Variants in TNFAIP3 observed in about 807,000 individuals in gnomAD.
TNFAIP3 encodes the protein tumor necrosis factor alpha-induced protein 3.
In TNFAIP3, 9 loss-of-function variants were observed where a neutral mutation model predicts 72.4. The ratio of observed to expected loss-of-function variants is 0.12; its 90% CI spans 0.07 to 0.22. The LOEUF (loss-of-function observed/expected upper bound fraction) is 0.22. Among genes scored for constraint, TNFAIP3 ranks in the 10% least tolerant of loss-of-function variants. The pLI, the probability that TNFAIP3 is intolerant of heterozygous loss-of-function variation, is 1.00. For missense variants in TNFAIP3, 833 were observed against 1,018.7 expected, an observed-to-expected ratio of 0.82 and a Z score of 2.48; for synonymous variants, 339 against 372.6, an observed-to-expected ratio of 0.91 and a Z score of 1.04.
chr6:137,870,120 T>C (rs1222505092), intron 1 of TNFAIP3, among the ~76,000 whole-genome samples: 1 of 152,176 alleles, frequency 6.6e-6, no homozygotes, highest in Non-Finnish European at 1.5e-5. Context: ...TTCTACTAGT[T>C]GATTATGCTT....
intron 1 of TNFAIP3, among the ~76,000 whole-genome samples, chr6:137,869,380 C>CGGAT (rs1196819357): frequency 5.2e-4 from 56 of 108,066 alleles, no homozygotes; most frequent in Admixed American, 4.4e-3. Context: ...GATGGATGGA[C>CGGAT]GGACGGACGG....
chr6:137,878,236 G>A (rs1195292644), intron 6 of TNFAIP3, among the ~76,000 whole-genome samples, 196 bp from the exon 7 acceptor site: 2 of 152,168 alleles, frequency 1.3e-5, no homozygotes, highest in Non-Finnish European at 2.9e-5. Context: ...TTCTTGACTC[G>A]AACATGTTGG....
Position 137,881,629 on chromosome 6 carries a change from T to G in TNFAIP3, c.*310T>G, listed in dbSNP as rs1418864140. 6.0e-6 allele frequency: 2 copies of G among 336,102 alleles called. No individual in the cohort carries two copies. The highest frequency in any genetic ancestry group is 4.6e-5 in the Admixed American group (1 of 21,530). The allele number at this position is 336,102 out of a possible 1,614,324, so 20.8% of individuals were successfully genotyped here. ...TTGGACTTGGAAGGTGTGCGGGGAC[T>G]GGCCGAGGCCCCTGCACCCTGCGCA... On this transcript the variant is annotated 3_prime_UTR_variant, in exon 9 of 9. Transcript: ENST00000612899. The surrounding 1 kb of genome is among the most constrained non-coding windows in gnomAD (Gnocchi z 5.0).
chr6:137,881,101 G>A lies in TNFAIP3; in HGVS notation c.2155G>A (p.Ala719Thr), dbSNP rs2114515960. The change falls in exon 9 of 9, where the codon GCC (alanine) becomes ACC (threonine). Residue 719 changes from alanine to threonine, a missense_variant. Transcript: ENST00000612899. This position sits in a 1 kb window ranked among gnomAD's most constrained non-coding sequence, Gnocchi z 5.0. ...CACCTCAAGGCCCAAGTGCGCCCGG[G>A]CCTCCTGCAAGAACATCCTGGCCTG... ...QSTSRPKCARASCKNILACRS... is the reference protein window; with the variant it reads ...QSTSRPKCARTSCKNILACRS... 6.2e-7 allele frequency: 1 copy of A among 1,613,932 alleles called. No homozygotes were observed. The highest frequency in any genetic ancestry group is 8.5e-7 in the Non-Finnish European group (1 of 1,179,990).
chr6:137,875,685 T>C lies in TNFAIP3; in HGVS notation c.487-3T>C, dbSNP rs745752476. On this transcript the variant is annotated splice_polypyrimidine_tract_variant and splice_region_variant and intron_variant, in intron 3 of 8. Coordinates refer to ENST00000612899, the MANE Select transcript of TNFAIP3 (RefSeq NM_001270508.2). ...AGCTTTTTTTTCACCCCGCTCCCCTTAGAACTGGAATGATGAATGGGACAA... is the reference window on the plus strand; with the variant it reads ...AGCTTTTTTTTCACCCCGCTCCCCTCAGAACTGGAATGATGAATGGGACAA... 3.7e-6 allele frequency: 6 copies of C among 1,613,992 alleles called. No homozygotes were observed. The South Asian group carries it at 5.5e-5, about 15-fold the overall frequency.
rs2114457728 is a variant in TNFAIP3 at position 137,871,257 on chromosome 6, G to C, written c.30G>C (p.Leu10Phe). 1 of 1,613,510 alleles carries C rather than the reference G, an allele frequency of 6.2e-7. No homozygotes were observed. The highest frequency in any genetic ancestry group is 8.5e-7 in the Non-Finnish European group (1 of 1,179,820). Residue 10 changes from leucine to phenylalanine, a missense_variant, in exon 2 of 9, where the codon TTG becomes TTC. Leu to Phe is a conservative substitution (Grantham distance 22, BLOSUM62 0). Transcript: ENST00000612899. This position sits in a 1 kb window ranked among gnomAD's most constrained non-coding sequence, Gnocchi z 4.2. MAEQVLPQALYLSNMRKAVK... is the reference protein window; with the variant it reads MAEQVLPQAFYLSNMRKAVK... ...CTGAACAAGTCCTTCCTCAGGCTTT[G>C]TATTTGAGCAATATGCGGAAAGCTG... is the stretch of plus-strand genomic sequence containing the variant.
At position 137,867,427 on chromosome 6, in the gene TNFAIP3, C is replaced by A. The variant is rs1775874639; in HGVS notation, c.-131C>A. On this transcript the variant is annotated 5_prime_UTR_variant, in exon 1 of 9. Coordinates refer to ENST00000612899, the MANE Select transcript of TNFAIP3 (RefSeq NM_001270508.2). The surrounding 1 kb of genome is among the most constrained non-coding windows in gnomAD (Gnocchi z 6.0). ...TCCGCCCGGTCCCTGCCCCGACCCC[C>A]GCCTGCGGCGCGCTCCTGCCTTGAC... 2 of 152,562 alleles carry A rather than the reference C, an allele frequency of 1.3e-5. No individual in the cohort carries two copies. Among genetic ancestry groups the A allele is most frequent in the African/African-American group, 4.8e-5 (2 of 41,442 alleles). 9.5% of individuals were successfully genotyped at this position (152,562 alleles called of 1,614,324 possible). A position where few individuals can be genotyped will look rare whatever the true frequency, so the allele number is the denominator to read the frequency against.
chr6:137,871,045 A>C lies in TNFAIP3; in HGVS notation c.-15-168A>C, dbSNP rs937225930. On this transcript the variant is annotated intron_variant, in intron 1 of 8. Coordinates refer to ENST00000612899, the MANE Select transcript of TNFAIP3 (RefSeq NM_001270508.2). The surrounding 1 kb of genome is among the most constrained non-coding windows in gnomAD (Gnocchi z 4.2). ...AACTTAAAACAGTCCAGTGTGAGTT[A>C]ATCTCTGGGGCCAGCTAGTATCCCG... Among the ~76,000 whole-genome samples the C allele has an allele frequency of 2.6e-5, 4 of 152,212 alleles. No homozygotes were observed. The highest frequency in any genetic ancestry group is 5.9e-5 in the Non-Finnish European group (4 of 68,046).
rs1249779148 is a variant in TNFAIP3, at chr6:137,879,144, C to A, written c.1699C>A (p.Pro567Thr). The change falls in exon 7 of 9, where the codon CCC (proline) becomes ACC (threonine). Residue 567 changes from proline (P) to threonine (T), a missense_variant. Around this residue, in one of 2 missense-constraint regions of TNFAIP3, gnomAD observed 587 missense variants for 657.8 expected, o/e 0.89. Coordinates refer to ENST00000612899, the MANE Select transcript of TNFAIP3 (RefSeq NM_001270508.2). Reference protein sequence around the residue: ...PSCHQRSKSDPSRLVRSPSPH... With the variant: ...PSCHQRSKSDTSRLVRSPSPH... The stretch of plus-strand genomic sequence containing the variant: ...CTGTCACCAGCGTTCCAAGTCAGAT[C>A]CCTCGCGGCTCGTCCGGAGCCCCTC... 1 of 1,614,174 alleles carries A rather than the reference C, an allele frequency of 6.2e-7. No individual in the cohort carries two copies. The highest frequency in any genetic ancestry group is 1.1e-5 in the South Asian group (1 of 91,086).
At chr6:137,867,062 CAGGGAAA>C (rs1775859207), upstream of TNFAIP3, 1 of 79,322 alleles carries the variant, frequency 1.3e-5, no homozygotes, top group African/African-American at 5.0e-5. The surrounding 1 kb of genome is among the most constrained non-coding windows in gnomAD (Gnocchi z 6.0). Context: ...CGGGGCGGGG[CAGGGAAA>C]GGGGGCGGGG....
chr6:137,875,829 A>C lies in TNFAIP3; in HGVS notation c.628A>C (p.Ile210Leu). 6.2e-7 allele frequency: 1 copy of C among 1,614,192 alleles called. No individual in the cohort carries two copies. The highest frequency in any genetic ancestry group is 8.5e-7 in the Non-Finnish European group (1 of 1,180,034). ...CNILRRPIIV[I>L]SDKMLRSLES... ...CATCCTCAGAAGGCCAATCATTGTC[A>C]TTTCAGGTGAGATGCCTGCAGATCA... The change falls in exon 4 of 9, where the codon ATT (isoleucine) becomes CTT (leucine). Residue 210 changes from isoleucine (I) to leucine (L), a missense_variant. By Grantham distance (5) the Ile-to-Leu change is conservative. This residue lies in a region of TNFAIP3 where 246 missense variants were observed against 360.9 expected (regional missense o/e 0.68). Transcript: ENST00000612899.
At position 137,882,592 on chromosome 6, in the gene TNFAIP3, A is replaced by G. The variant is rs1776499496; in HGVS notation, c.*1273A>G. 1 of 232,816 alleles carries G rather than the reference A, an allele frequency of 4.3e-6. No homozygotes were observed. Among genetic ancestry groups the G allele is most frequent in the African/African-American group, 2.2e-5 (1 of 45,316 alleles). The allele number at this position is 232,816 out of a possible 1,614,324, so 14.4% of individuals were successfully genotyped here. A position where few individuals can be genotyped will look rare whatever the true frequency, so the allele number is the denominator to read the frequency against. On this transcript the variant is annotated 3_prime_UTR_variant, in exon 9 of 9. Coordinates refer to ENST00000612899, the MANE Select transcript of TNFAIP3 (RefSeq NM_001270508.2). Reference sequence around the variant, plus strand: ...AAAAAACTATACTCTGTGTTCTGTTAATGCCTCTGAGTGTCCTACCTCCTT... The same window carrying G: ...AAAAAACTATACTCTGTGTTCTGTTGATGCCTCTGAGTGTCCTACCTCCTT...
intron 2 of TNFAIP3, among the ~76,000 whole-genome samples, chr6:137,872,908 T>G (rs1935774235): frequency 6.6e-6 from 1 of 152,098 alleles, no homozygotes; most frequent in Non-Finnish European, 1.5e-5. Context: ...GAACACCTTA[T>G]TAAGAGAATT....
intron 1 of TNFAIP3, among the ~76,000 whole-genome samples, chr6:137,869,225 A>G (rs1446956878): frequency 6.6e-6 from 1 of 152,148 alleles, no homozygotes; most frequent in Non-Finnish European, 1.5e-5. Context: ...GTGTAATTTC[A>G]GGGAAGGGAA....
chr6:137,870,705 A>G (rs550158277), intron 1 of TNFAIP3, among the ~76,000 whole-genome samples: 1 of 152,310 alleles, frequency 6.6e-6, no homozygotes, highest in South Asian at 2.1e-4. Flanking sequence ...CTTCCAGCAT[A>G]GGGAGGGAGT....
At position 137,878,697 on chromosome 6, in the gene TNFAIP3, C is replaced by T; in HGVS notation, c.1252C>T (p.Leu418Phe). ...SERRQKNQNK[L>F]PKLNSKPGPE... is the part of the protein sequence containing the mutation. ...GAGGCGGCAAAAGAATCAAAACAAACTCCCAAAGCTGAACTCCAAGCCGGG... is the reference window on the plus strand; with the variant it reads ...GAGGCGGCAAAAGAATCAAAACAAATTCCCAAAGCTGAACTCCAAGCCGGG... The change falls in exon 7 of 9, where the codon CTC becomes TTC. Residue 418 changes from leucine to phenylalanine, a missense_variant. This residue lies in a region of TNFAIP3 where 587 missense variants were observed against 657.8 expected (regional missense o/e 0.89). Transcript: ENST00000612899. The T allele has an allele frequency of 3.1e-6, 5 of 1,614,166 alleles. No individual in the cohort carries two copies. Among genetic ancestry groups the T allele is most frequent in the Non-Finnish European group, 4.2e-6 (5 of 1,180,028 alleles).
Position 137,878,464 on chromosome 6 carries a change from A to C in TNFAIP3, c.1019A>C (p.Asn340Thr). Residue 340 changes from asparagine to threonine, a missense_variant, in exon 7 of 9, where the codon AAT (asparagine) becomes ACT (threonine). Physicochemically the swap from Asn to Thr is moderately conservative, Grantham distance 65. This residue lies in a region of TNFAIP3 where 587 missense variants were observed against 657.8 expected (regional missense o/e 0.89). Coordinates refer to ENST00000612899, the MANE Select transcript of TNFAIP3 (RefSeq NM_001270508.2). ...LDEANLPKEINLVDDYFELVQ... is the reference protein window; with the variant it reads ...LDEANLPKEITLVDDYFELVQ... ...GAAGCTAACTTACCAAAAGAAATCA[A>C]TCTGGTAGATGATTACTTTGAACTT... The C allele has an allele frequency of 6.2e-7, 1 of 1,611,402 alleles. No individual in the cohort carries two copies.
intron 1 of TNFAIP3, among the ~76,000 whole-genome samples, chr6:137,870,491 C>T (rs1334035615): frequency 6.6e-6 from 1 of 152,196 alleles, no homozygotes; most frequent in Non-Finnish European, 1.5e-5. Flanking sequence ...GCTGACTGCT[C>T]TTAAAATTGC....
chr6:137,881,497 G>T lies in TNFAIP3; in HGVS notation c.*178G>T. On this transcript the variant is annotated 3_prime_UTR_variant, in exon 9 of 9. Transcript: ENST00000612899. This position sits in a 1 kb window ranked among gnomAD's most constrained non-coding sequence, Gnocchi z 5.0. The stretch of plus-strand genomic sequence containing the variant: ...GATGCTCAGGTTTGGTAACCCGGGA[G>T]TGTTCCCAGGTGGCCTTAGAAAGCA... 1.9e-6 allele frequency: 1 copy of T among 528,502 alleles called. No individual in the cohort carries two copies. 32.7% of individuals were successfully genotyped at this position (528,502 alleles called of 1,614,324 possible). A position where few individuals can be genotyped will look rare whatever the true frequency, so the allele number is the denominator to read the frequency against.
Sources: allele counts gnomAD v4.1 joint callset (sites outside exome capture counted in the v4.1 genomes callset), GRCh38; gene constraint gnomAD v4.1.1; regional missense constraint gnomAD v4.1.1; non-coding constraint Gnocchi (gnomAD v3.1); transcripts MANE v1.5; gene names NCBI Gene and HGNC (gene_info 2026-07-23, HGNC 2026-07-21).